Variants in CS observed in about 807,000 individuals in gnomAD.
CS encodes the protein citrate synthase.
CS carries 13 observed loss-of-function variants against 61.4 expected under a neutral mutation model. The ratio of observed to expected loss-of-function variants is 0.21; its 90% CI spans 0.14 to 0.34. The LOEUF (loss-of-function observed/expected upper bound fraction) is 0.34. CS is among the 10% of genes least tolerant of loss of function. CS has a pLI of 1.00. For missense variants in CS, 278 were observed against 573.4 expected (o/e 0.48, Z 5.26); for synonymous variants, 159 against 215.2 (o/e 0.74, Z 2.29).
chr12:56,285,563 T>C lies in CS; in HGVS notation c.201+353A>G, dbSNP rs552952131. Among the ~76,000 whole-genome samples, 99 of 152,338 alleles carry C rather than the reference T, an allele frequency of 6.5e-4. 1 individual carries two copies. In the South Asian group the frequency reaches 0.019, roughly 30 times the overall value. On this transcript the variant is annotated intron_variant, in intron 3 of 10. Coordinates refer to ENST00000351328, the MANE Select transcript of CS (RefSeq NM_004077.3). ...GCAGCCTCCCAAAATGTTGGGATAA[T>C]AGGCATGAGCCATTGCGCCCTCTGT...
At chr12:56,283,295 G>C (rs922272620) in intron 4 of CS, among the ~76,000 whole-genome samples, 2 of 152,092 alleles carry the variant, frequency 1.3e-5, no homozygotes, top group Non-Finnish European at 2.9e-5. Context: ...CCAGGCTGGA[G>C]TGCAGTGGTG....
At chr12:56,274,668 G>GAA in intron 9 of CS, 109 bp downstream of exon 9, 1 of 860,408 alleles carries the variant, frequency 1.2e-6, no homozygotes, top group East Asian at 2.7e-5. Flanking sequence ...GATAAATGAA[G>GAA]AAAAAAAAAT....
chr12:56,275,148 A>G lies in CS; in HGVS notation c.789-17T>C. ...TCATGGTCACTGTGGGGAAGTAAGA[A>G]GGGAGAGCCAAGGGAAGAAAGAAGG... On this transcript the variant is annotated splice_polypyrimidine_tract_variant and intron_variant, in intron 7 of 10. Coordinates refer to ENST00000351328, the MANE Select transcript of CS (RefSeq NM_004077.3). The G allele has an allele frequency of 6.2e-7, 1 of 1,613,892 alleles. No homozygotes were observed. Among genetic ancestry groups the G allele is most frequent in the African/African-American group, 1.3e-5 (1 of 75,036 alleles).
intron 6 of CS, among the ~76,000 whole-genome samples, chr12:56,281,275 T>TG (rs1263955906): frequency 6.6e-6 from 1 of 152,250 alleles, no homozygotes; most frequent in Non-Finnish European, 1.5e-5. Flanking sequence ...TCTGAGTTTG[T>TG]GGGGTACTAG....
At chr12:56,274,570 C>T in intron 9 of CS, 1 of 488,226 alleles carries the variant, frequency 2.0e-6, no homozygotes, top group East Asian at 3.6e-5. Context: ...CTCAAGCAAT[C>T]CTCTTGCCTC....
Position 56,273,727 on chromosome 12 carries a change from C to A in CS, c.1090G>T (p.Ala364Ser). ...GGGTCATTAGGCAGGTGTTTCAGAGCAAACTCTCGCTGACAGGTATATCGC... is the reference window on the plus strand; with the variant it reads ...GGGTCATTAGGCAGGTGTTTCAGAGAAAACTCTCGCTGACAGGTATATCGC... ...DPRYTCQREF[A>S]LKHLPNDPMF... Residue 364 changes from alanine (A) to serine (S), a missense_variant, in exon 10 of 11, where the codon GCT becomes TCT. This residue lies in a region of CS where 223 missense variants were observed against 503.5 expected (regional missense o/e 0.44). Coordinates refer to ENST00000351328, the MANE Select transcript of CS (RefSeq NM_004077.3). The A allele has an allele frequency of 6.2e-7, 1 of 1,614,192 alleles. No homozygotes were observed. The highest frequency in any genetic ancestry group is 8.5e-7 in the Non-Finnish European group (1 of 1,180,026).
chr12:56,287,298 G>A (rs1030362729), intron 1 of CS, among the ~76,000 whole-genome samples: 2 of 151,998 alleles, frequency 1.3e-5, no homozygotes, highest in African/African-American at 4.8e-5. Context: ...TGGCCAACAT[G>A]GTGAAACCCT....
intron 6 of CS, among the ~76,000 whole-genome samples, chr12:56,279,070 T>C (rs562451058): frequency 1.3e-5 from 2 of 152,094 alleles, no homozygotes; most frequent in African/African-American, 2.4e-5. Context: ...TCCCCACGCC[T>C]GGCCTACTAG....
Position 56,282,865 on chromosome 12 carries a change from C to T in CS, c.394G>A (p.Glu132Lys). The T allele has an allele frequency of 6.2e-7, 1 of 1,614,146 alleles. No individual in the cohort carries two copies. The highest frequency in any genetic ancestry group is 8.5e-7 in the Non-Finnish European group (1 of 1,180,032). Reference protein sequence around the residue: ...LLVTGHIPTEEQVSWLSKEWA... With the variant: ...LLVTGHIPTEKQVSWLSKEWA... ...ATAATATCCTTCTGCTTTACCTGTT[C>T]CTCTGTTGGGATATGTCCAGTTACC... Residue 132 changes from glutamate (E) to lysine (K), a missense_variant, in exon 5 of 11, where the codon GAA (glutamate) becomes AAA (lysine). Glu to Lys is a moderately conservative substitution (Grantham distance 56, BLOSUM62 1). Around this residue, in one of 2 missense-constraint regions of CS, gnomAD observed 223 missense variants for 503.5 expected, o/e 0.44. Coordinates refer to ENST00000351328, the MANE Select transcript of CS (RefSeq NM_004077.3).
intron 9 of CS, chr12:56,274,453 T>C (rs1872582775): frequency 4.7e-6 from 1 of 213,854 alleles, no homozygotes; most frequent in Admixed American, 5.2e-5. Context: ...ACTCAACCTA[T>C]TTAAAACTGT....
chr12:56,287,936 G>A (rs1054667704), intron 1 of CS, among the ~76,000 whole-genome samples: 2 of 152,128 alleles, frequency 1.3e-5, no homozygotes, highest in African/African-American at 4.8e-5. Flanking sequence ...GGGATTACAG[G>A]CGTAAGCCAC....
rs542485115 is a variant in CS at position 56,283,055 on chromosome 12, T to G, written c.268-64A>C. The stretch of plus-strand genomic sequence containing the variant: ...AGCCTAGAAGTCACACGACTGGTCT[T>G]ACTCATCAGACCTTACAACAAGTTA... On this transcript the variant is annotated intron_variant, in intron 4 of 10. Coordinates refer to ENST00000351328, the MANE Select transcript of CS (RefSeq NM_004077.3). 152 of 1,565,492 alleles carry G rather than the reference T, an allele frequency of 9.7e-5. 1 individual carries two copies. The South Asian group carries it at 1.6e-3, about 16-fold the overall frequency.
intron 6 of CS, among the ~76,000 whole-genome samples, chr12:56,281,171 G>C (rs1467742923): frequency 6.6e-6 from 1 of 152,152 alleles, no homozygotes; most frequent in Non-Finnish European, 1.5e-5. Context: ...AAAATTTTCT[G>C]TTCCTATACT....
chr12:56,299,613 C>G (rs1390253104), intron 1 of CS, among the ~76,000 whole-genome samples: 1 of 152,192 alleles, frequency 6.6e-6, no homozygotes, highest in Non-Finnish European at 1.5e-5. Flanking sequence ...AGAGGAGGGC[C>G]TGAAGGACCC....
chr12:56,291,250 A>T, intron 1 of CS: 5 of 1,126,722 alleles, frequency 4.4e-6, no homozygotes, highest in Non-Finnish European at 5.5e-6. Context: ...TGGGAGTTGG[A>T]TCCCAGGAAA....
intron 9 of CS, 171 bp downstream of exon 9, chr12:56,274,605 AG>A: frequency 1.8e-6 from 1 of 556,648 alleles, no homozygotes; most frequent in Non-Finnish European, 3.1e-6. Context: ...GTGGGACTAC[AG>A]GTGCATGCCA....
chr12:56,284,068 C>T (rs969413623), intron 3 of CS, among the ~76,000 whole-genome samples: 2 of 151,968 alleles, frequency 1.3e-5, no homozygotes, highest in African/African-American at 4.8e-5. Context: ...CACCTGTAAT[C>T]CCAGCACTTT....
At chr12:56,287,472 ACT>A (rs1254647622) in intron 1 of CS, among the ~76,000 whole-genome samples, 1 of 115,150 alleles carries the variant, frequency 8.7e-6, no homozygotes, top group Non-Finnish European at 1.7e-5. Context: ...AATGAGCAAG[ACT>A]CTGTCAAAAA....
At chr12:56,293,663 G>A (rs567264345) in intron 1 of CS, among the ~76,000 whole-genome samples, 1 of 152,304 alleles carries the variant, frequency 6.6e-6, no homozygotes, top group South Asian at 2.1e-4. Flanking sequence ...GCAGTGAGCT[G>A]AGATTGCGCC....
Sources: allele counts gnomAD v4.1 joint callset (sites outside exome capture counted in the v4.1 genomes callset), GRCh38; gene constraint gnomAD v4.1.1; regional missense constraint gnomAD v4.1.1; transcripts MANE v1.5; gene names NCBI Gene and HGNC (gene_info 2026-07-23, HGNC 2026-07-21).